USP40: variants seen among roughly 807,000 people sequenced by gnomAD.
USP40 encodes ubiquitin carboxyl-terminal hydrolase 40.
In USP40, 143 loss-of-function variants were observed where a neutral mutation model predicts 166.2. The ratio of observed to expected loss-of-function variants is 0.86; its 90% CI spans 0.75 to 0.99. The LOEUF (loss-of-function observed/expected upper bound fraction) is 0.99, where lower values mean the gene tolerates loss of function less well. USP40 is among the 50% of genes least tolerant of loss of function. The probability of loss-of-function intolerance (pLI) is 0.00; values close to 1 mark genes in which losing one functional copy is unlikely to be tolerated. For synonymous variants in USP40, 498 were observed against 524.0 expected, an observed-to-expected ratio of 0.95 and a Z score of 0.68; for missense variants, 1,444 against 1,479.7, an observed-to-expected ratio of 0.98 and a Z score of 0.40.
At chr2:233,528,103 T>C (rs139712449) in intron 12 of USP40, among the ~76,000 whole-genome samples, 1,552 of 152,026 alleles carry the variant, frequency 0.01, 27 homozygotes, top group African/African-American at 0.035. Context: ...CTCAGCCTCC[T>C]GAGTAGCTGG....
intron 5 of USP40, among the ~76,000 whole-genome samples, chr2:233,556,341 G>C (rs2071095312): frequency 6.6e-6 from 1 of 151,924 alleles, no homozygotes; most frequent in South Asian, 2.1e-4. Context: ...ACAAAGAACT[G>C]AAGGTTATAC....
chr2:233,560,876 T>C (rs2071524986), intron 3 of USP40: 1 of 597,934 alleles, frequency 1.7e-6, no homozygotes, highest in Non-Finnish European at 3.0e-6. Flanking sequence ...GGGAAGCTAA[T>C]GTGGATGTTC....
At chr2:233,532,759 C>T (rs1317815061) in intron 11 of USP40, among the ~76,000 whole-genome samples, 1 of 151,980 alleles carries the variant, frequency 6.6e-6, no homozygotes, top group East Asian at 1.9e-4. Context: ...CTGGGCAATA[C>T]AGCGAGACCC....
rs74890478 is a variant in USP40 at position 233,548,666 on chromosome 2, A to G, written c.966+435T>C. ...ACTATTAGACAACAGTATTATATCA[A>G]TGTTAGAAGTTCCTTATTTTAATCA... is the stretch of plus-strand genomic sequence containing the variant. On this transcript the variant is annotated intron_variant, in intron 8 of 31. Coordinates refer to ENST00000678225, the MANE Select transcript of USP40 (RefSeq NM_001365479.2). 6.3e-3 allele frequency among the ~76,000 whole-genome samples: 964 copies of G among 152,282 alleles called. 21 individuals are homozygous for G. In the East Asian group the frequency reaches 0.083, roughly 13 times the overall value.
At chr2:233,492,264 C>T (rs982122643) in intron 25 of USP40, among the ~76,000 whole-genome samples, 2 of 152,222 alleles carry the variant, frequency 1.3e-5, no homozygotes, top group African/African-American at 4.8e-5. Context: ...GGCTACACCA[C>T]ATAGCCTAGG....
At chr2:233,529,339 CT>C in intron 12 of USP40, 91 bp downstream of exon 12, 1 of 1,091,214 alleles carries the variant, frequency 9.2e-7, no homozygotes, top group Non-Finnish European at 1.3e-6. Flanking sequence ...TATTTTTTTT[CT>C]TTTTAATTTT....
chr2:233,538,009 T>G (rs1376189188), intron 10 of USP40, among the ~76,000 whole-genome samples: 1 of 152,148 alleles, frequency 6.6e-6, no homozygotes, highest in Middle Eastern at 3.4e-3. Flanking sequence ...AAGGCAATAG[T>G]AGGAAAAATG....
chr2:233,523,163 G>A lies in USP40; in HGVS notation c.2201+7C>T, dbSNP rs551631601. 6.6e-5 allele frequency: 106 copies of A among 1,595,870 alleles called. 1 individual carries two copies. Among genetic ancestry groups the A allele is most frequent in the South Asian group, 4.8e-4 (43 of 89,222 alleles). On this transcript the variant is annotated splice_region_variant and intron_variant, in intron 16 of 31. Coordinates refer to ENST00000678225, the MANE Select transcript of USP40 (RefSeq NM_001365479.2). Reference sequence around the variant, plus strand: ...TAGAAATCCTTTTTCTCTTGTTAGCGAGTTACCTGTTATCATCATGAGAAT... The same window carrying A: ...TAGAAATCCTTTTTCTCTTGTTAGCAAGTTACCTGTTATCATCATGAGAAT...
intron 16 of USP40, 115 bp downstream of exon 16, chr2:233,523,055 T>C: frequency 8.6e-7 from 1 of 1,157,004 alleles, no homozygotes. Context: ...ACATAATGTC[T>C]AGAAATAAAG....
intron 9 of USP40, 81 bp downstream of exon 9, chr2:233,542,187 A>G (rs929822559): frequency 9.0e-6 from 6 of 670,044 alleles, no homozygotes; most frequent in Non-Finnish European, 1.4e-5. Flanking sequence ...TAAACCGCAT[A>G]CATTCTTACA....
At chr2:233,499,307 G>A (rs752848511) in intron 22 of USP40, among the ~76,000 whole-genome samples, 1 of 151,992 alleles carries the variant, frequency 6.6e-6, no homozygotes, top group Non-Finnish European at 1.5e-5. Flanking sequence ...ATGACTTCCA[G>A]CTCCATCCAT....
At chr2:233,533,846 A>T (rs878901781) in intron 10 of USP40, 67 bp from the exon 11 acceptor site, 1 of 1,404,396 alleles carries the variant, frequency 7.1e-7, no homozygotes, top group South Asian at 1.5e-5. Flanking sequence ...TGATTAAAAA[A>T]TGTTTTCTTC....
At chr2:233,549,054 T>C in intron 8 of USP40, 47 bp downstream of exon 8, 2 of 1,534,158 alleles carry the variant, frequency 1.3e-6, no homozygotes, top group Non-Finnish European at 1.8e-6. Context: ...ATAATAGGAA[T>C]AGAAAAGAAA....
chr2:233,525,204 T>C (rs1258779024), intron 14 of USP40, among the ~76,000 whole-genome samples: 1 of 152,206 alleles, frequency 6.6e-6, no homozygotes, highest in Non-Finnish European at 1.5e-5. Flanking sequence ...TATAAAAAAT[T>C]CTAAAGCTTT....
At position 233,489,493 on chromosome 2, in the gene USP40, G is replaced by C; in HGVS notation, c.3013-10C>G. 1 of 1,575,418 alleles carries C rather than the reference G, an allele frequency of 6.3e-7. No individual in the cohort carries two copies. Among genetic ancestry groups the C allele is most frequent in the South Asian group, 1.2e-5 (1 of 85,576 alleles). On this transcript the variant is annotated splice_polypyrimidine_tract_variant and intron_variant, in intron 26 of 31. Transcript: ENST00000678225. The stretch of plus-strand genomic sequence containing the variant: ...GAGGCAAGGTCATGGCCTAGAAAAA[G>C]AAACAGACATTTCTCCAACGGTTTT...
intron 24 of USP40, among the ~76,000 whole-genome samples, chr2:233,494,915 C>CATTTATATATATATATATATAT (rs1265219527): frequency 1.8e-4 from 2 of 11,368 alleles, no homozygotes; most frequent in Non-Finnish European, 1.7e-4. Context: ...AGCAAAATGG[C>CATTTATATATATATATATATAT]ATATATATAT....
chr2:233,516,910 A>G (rs1259550934), intron 18 of USP40, among the ~76,000 whole-genome samples: 1 of 151,278 alleles, frequency 6.6e-6, no homozygotes, highest in Non-Finnish European at 1.5e-5. Context: ...TGAATGTTGT[A>G]TATTGCTTTA....
In USP40 at chr2:233,493,990, C is replaced by A. The variant is rs991680834; in HGVS notation, c.2791-439G>T. On this transcript the variant is annotated intron_variant, in intron 24 of 31. Transcript: ENST00000678225. The surrounding 1 kb of genome is among the most constrained non-coding windows in gnomAD (Gnocchi z 4.7). Reference sequence around the variant, plus strand: ...AAATAAACCCATTGTCTTATACATACCCTGTAATTTCAGTTTTACTTATTT... The same window carrying A: ...AAATAAACCCATTGTCTTATACATAACCTGTAATTTCAGTTTTACTTATTT... Among the ~76,000 whole-genome samples the A allele has an allele frequency of 1.3e-5, 2 of 152,140 alleles. No homozygotes were observed. Among genetic ancestry groups the A allele is most frequent in the African/African-American group, 4.8e-5 (2 of 41,424 alleles).
intron 3 of USP40, 133 bp from the exon 4 acceptor site, chr2:233,560,057 G>T: frequency 1.8e-6 from 1 of 543,938 alleles, no homozygotes; most frequent in Non-Finnish European, 3.2e-6. Flanking sequence ...CCTATTATAA[G>T]GGAAAAACTA....
Sources: gnomAD v4.1 joint callset for allele counts (sites outside exome capture counted in the v4.1 genomes callset) on GRCh38, gnomAD v4.1.1 for gene constraint, Gnocchi (gnomAD v3.1) non-coding constraint, MANE v1.5 for transcripts, NCBI Gene and HGNC (gene_info 2026-07-23, HGNC 2026-07-21) for gene names.